The following NUP214 variants were observed in gnomAD, a reference collection of about 807,000 sequenced individuals.
NUP214 encodes the protein nucleoporin 214.
In NUP214, 79 loss-of-function variants were observed where a neutral mutation model predicts 196.2. That is an observed-to-expected ratio of 0.40 (90% CI 0.34 to 0.49). The LOEUF is 0.49. Among genes scored for constraint, NUP214 ranks in the 20% least tolerant of loss-of-function variants. NUP214 has a pLI of 0.58. For synonymous variants in NUP214, 1,020 were observed against 990.5 expected, an observed-to-expected ratio of 1.03 and a Z score of -0.56; for missense variants, 2,468 against 2,539.0, an observed-to-expected ratio of 0.97 and a Z score of 0.60.
At chr9:131,211,317 T>C (rs1834235114) in intron 30 of NUP214, among the ~76,000 whole-genome samples, 1 of 152,364 alleles carries the variant, frequency 6.6e-6, no homozygotes, top group Non-Finnish European at 1.5e-5. Flanking sequence ...CTTTTTCTTT[T>C]TACATTTTGT....
intron 18 of NUP214, among the ~76,000 whole-genome samples, chr9:131,159,873 A>T (rs546924804): frequency 3.3e-5 from 5 of 151,726 alleles, no homozygotes; most frequent in African/African-American, 9.7e-5. Flanking sequence ...AAAAAAAAAC[A>T]AGAAAGAGAA....
chr9:131,152,733 A>C (rs939392412), intron 17 of NUP214, among the ~76,000 whole-genome samples: 29 of 151,954 alleles, frequency 1.9e-4, no homozygotes, highest in Admixed American at 1.7e-3. Flanking sequence ...TGAAACCTCC[A>C]TTTGCCTGAG....
chr9:131,159,521 T>C, intron 18 of NUP214, 35 bp downstream of exon 18: 8 of 1,463,216 alleles, frequency 5.5e-6, no homozygotes, highest in Non-Finnish European at 7.6e-6. Context: ...TGTGTTGGAA[T>C]AGATATTGCT....
Position 131,130,132 on chromosome 9 carries a change from G to GTTTTTTTTTT in NUP214, c.593-630_593-629insTTTTTTTTTT, listed in dbSNP as rs1245763919. On this transcript the variant is annotated intron_variant, in intron 4 of 35. Transcript: ENST00000359428. The stretch of plus-strand genomic sequence containing the variant: ...AATGGGAGCAGGAGAATGATTTCTG[G>GTTTTTTTTTT]TTTTGTTTTTTTTTTTTTGTTTTTT... Among the ~76,000 whole-genome samples the GTTTTTTTTTT allele has an allele frequency of 1.1e-4, 5 of 46,550 alleles. 1 individual carries two copies. The highest frequency in any genetic ancestry group is 2.1e-4 in the African/African-American group (3 of 14,094). The allele number at this position is 46,550 out of a possible 152,430, so 30.5% of individuals were successfully genotyped here.
intron 21 of NUP214, 37 bp downstream of exon 21, chr9:131,164,181 T>C: frequency 6.3e-7 from 1 of 1,593,386 alleles, no homozygotes. Flanking sequence ...TACATAGTGA[T>C]AGGGTGTGGT....
At chr9:131,126,578 T>A (rs1831360416) in intron 1 of NUP214, 1 of 151,056 alleles carries the variant, frequency 6.6e-6, no homozygotes. Context: ...GACAGAGTCT[T>A]GCTCTGTCAC....
intron 24 of NUP214, among the ~76,000 whole-genome samples, chr9:131,185,109 A>AT (rs1478730140): frequency 6.6e-6 from 1 of 152,228 alleles, no homozygotes; most frequent in Non-Finnish European, 1.5e-5. Context: ...TGGGATGAGT[A>AT]TTTACCTTGT....
At chr9:131,215,390 C>T (rs1834363276) in intron 31 of NUP214, 22 bp downstream of exon 31, 2 of 1,555,202 alleles carry the variant, frequency 1.3e-6, no homozygotes, top group Non-Finnish European at 1.7e-6. Flanking sequence ...AGACTTTTCC[C>T]AGTCCCTTGG....
At chr9:131,156,875 A>G (rs564920270) in intron 17 of NUP214, among the ~76,000 whole-genome samples, 1 of 152,192 alleles carries the variant, frequency 6.6e-6, no homozygotes, top group Admixed American at 6.5e-5. Context: ...ATTTAAACAT[A>G]ATAAGATCTC....
At chr9:131,212,338 G>A (rs959115631) in intron 30 of NUP214, among the ~76,000 whole-genome samples, 1 of 152,144 alleles carries the variant, frequency 6.6e-6, no homozygotes, top group Non-Finnish European at 1.5e-5. Context: ...CATTTGCCTT[G>A]TGATATTTTA....
At chr9:131,192,107 C>T (rs1833617447) in intron 26 of NUP214, 101 bp from the exon 27 acceptor site, 1 of 785,182 alleles carries the variant, frequency 1.3e-6, no homozygotes, top group Non-Finnish European at 1.9e-6. Context: ...TAAGCAGCAC[C>T]TCACAGGCTG....
Position 131,130,789 on chromosome 9 carries a change from C to T in NUP214, c.616C>T (p.Gln206Ter). The part of the protein sequence containing the change: ...TSVCWSPKGK[Q>*]LAVGKQNGTV... The stretch of plus-strand genomic sequence containing the variant: ...AGTGTGCTGGAGCCCCAAAGGAAAG[C>T]AGCTGGCAGTGGGAAAACAGAATGG... Residue 206 changes from glutamine to a stop codon, truncating the protein, a stop_gained, in exon 5 of 36, where the codon CAG becomes TAG. Transcript: ENST00000359428. LOFTEE classifies it high-confidence loss of function. The T allele has an allele frequency of 6.2e-7, 1 of 1,614,124 alleles. No homozygotes were observed.
intron 31 of NUP214, among the ~76,000 whole-genome samples, chr9:131,218,697 G>C (rs1011963474): frequency 6.6e-6 from 1 of 151,986 alleles, no homozygotes; most frequent in Non-Finnish European, 1.5e-5. Flanking sequence ...CCAAACCCGA[G>C]TCTTAAGACT....
At chr9:131,210,015 C>G (rs1488660097) in intron 30 of NUP214, among the ~76,000 whole-genome samples, 2 of 152,208 alleles carry the variant, frequency 1.3e-5, no homozygotes, top group Non-Finnish European at 2.9e-5. Flanking sequence ...ATCTGTGACT[C>G]TGTTCCAGAT....
chr9:131,133,018 C>A, intron 6 of NUP214, 88 bp from the exon 7 acceptor site: 1 of 942,356 alleles, frequency 1.1e-6, no homozygotes, highest in Non-Finnish European at 1.7e-6. Context: ...TTTTTTTATC[C>A]ATAGTGGCTA....
chr9:131,186,633 C>G (rs1163596019), intron 24 of NUP214, among the ~76,000 whole-genome samples: 6 of 152,236 alleles, frequency 3.9e-5, no homozygotes, highest in Admixed American at 3.9e-4. Flanking sequence ...GTAGTTTTCC[C>G]ATATGTGAAC....
intron 17 of NUP214, among the ~76,000 whole-genome samples, chr9:131,156,125 T>C (rs1832429258): frequency 7.2e-6 from 1 of 138,844 alleles, no homozygotes; most frequent in Admixed American, 8.4e-5. Flanking sequence ...GGGATGTATT[T>C]CTGTCTTTTT....
chr9:131,164,115 A>G lies in NUP214; in HGVS notation c.2864A>G (p.Lys955Arg). ...CTGAGAAACTTCTTGGCCAAGAGGA[A>G]GACCCCACCAGTGAGATCCACTGCT... ...AQLRNFLAKR[K>R]TPPVRSTAPA... The change falls in exon 21 of 36, where the codon AAG (lysine) becomes AGG (arginine). Residue 955 changes from lysine (K) to arginine (R), a missense_variant. Lys to Arg is a conservative substitution (Grantham distance 26, BLOSUM62 2). This residue lies in a region of NUP214 where 1,801 missense variants were observed against 1,779.4 expected (regional missense o/e 1.01). Coordinates refer to ENST00000359428, the MANE Select transcript of NUP214 (RefSeq NM_005085.4). The G allele has an allele frequency of 6.2e-7, 1 of 1,614,174 alleles. No individual in the cohort carries two copies. Among genetic ancestry groups the G allele is most frequent in the South Asian group, 1.1e-5 (1 of 91,086 alleles).
At chr9:131,225,307 T>A (rs1403625112) in intron 32 of NUP214, among the ~76,000 whole-genome samples, 1 of 148,098 alleles carries the variant, frequency 6.8e-6, no homozygotes, top group Non-Finnish European at 1.5e-5. Flanking sequence ...TAGTCCCAGC[T>A]CCTCGGGAGA....
Sources: allele counts gnomAD v4.1 joint callset (sites outside exome capture counted in the v4.1 genomes callset), GRCh38; gene constraint gnomAD v4.1.1; regional missense constraint gnomAD v4.1.1; transcripts MANE v1.5; gene names NCBI Gene and HGNC (gene_info 2026-07-23, HGNC 2026-07-21).